Variants in TMEM132D observed in about 807,000 individuals in gnomAD.
TMEM132D encodes transmembrane protein 132D.
Under a neutral mutation model 62.3 loss-of-function variants are expected in TMEM132D, and 21 were observed. The observed-to-expected ratio is 0.34, with a 90% CI of 0.24 to 0.49. The LOEUF is 0.49. TMEM132D is among the 20% of genes least tolerant of loss of function. The pLI is 0.99. For synonymous variants in TMEM132D, 621 were observed against 575.6 expected (o/e 1.08, Z -1.13); for missense variants, 1,346 against 1,402.8 (o/e 0.96, Z 0.65).
In TMEM132D at chr12:129,092,303, CT is replaced by C. The variant is rs3045890; in HGVS notation, c.1444-7602del. Among the ~76,000 whole-genome samples the C allele has an allele frequency of 2.5e-3, 330 of 133,856 alleles. 1 individual carries two copies. Among genetic ancestry groups the C allele is most frequent in the East Asian group, 4.8e-3 (22 of 4,612 alleles). The allele number at this position is 133,856 out of a possible 152,430, so 87.8% of individuals were successfully genotyped here. ...TTATGTTCTAATATTTCTCTCTTTC[CT>C]TTTTTTTTTTTTTTTGTTCAAGAGC... On this transcript the variant is annotated intron_variant, in intron 5 of 8. Transcript: ENST00000422113.
chr12:129,187,514 G>A lies in TMEM132D; in HGVS notation c.1443+22006C>T, dbSNP rs1406145898. On this transcript the variant is annotated intron_variant, in intron 5 of 8. Coordinates refer to ENST00000422113, the MANE Select transcript of TMEM132D (RefSeq NM_133448.3). ...AAGTCTGAAATATTATTACTTAAGA[G>A]TTACTTAAAAACTACCACAGTTTAT... 2.0e-5 allele frequency among the ~76,000 whole-genome samples: 3 copies of A among 152,186 alleles called. No individual in the cohort carries two copies. In the East Asian group the frequency reaches 5.8e-4, roughly 29 times the overall value.
At position 129,149,360 on chromosome 12, in the gene TMEM132D, G is replaced by A. The variant is rs184792007; in HGVS notation, c.1443+60160C>T. ...GTACACTTACGTAAAAAACCTGCAC[G>A]TTCTGCACGTGTATCCCAGAACTTA... On this transcript the variant is annotated intron_variant, in intron 5 of 8. Coordinates refer to ENST00000422113, the MANE Select transcript of TMEM132D (RefSeq NM_133448.3). 5.3e-5 allele frequency among the ~76,000 whole-genome samples: 8 copies of A among 152,118 alleles called. No individual in the cohort carries two copies. In the East Asian group the frequency reaches 5.8e-4, roughly 11 times the overall value.
intron 1 of TMEM132D, among the ~76,000 whole-genome samples, chr12:129,819,729 G>C (rs1412276644): frequency 2.0e-5 from 3 of 152,142 alleles, no homozygotes; most frequent in Non-Finnish European, 4.4e-5. Flanking sequence ...TGCTGGTACT[G>C]CTGTTCGTGT....
chr12:129,893,360 G>A (rs1040286955), intron 1 of TMEM132D, among the ~76,000 whole-genome samples: 1 of 152,130 alleles, frequency 6.6e-6, no homozygotes, highest in Non-Finnish European at 1.5e-5. Context: ...ATAAAAATCA[G>A]GATTATGATT....
At chr12:129,582,169 G>A (rs571750503) in intron 2 of TMEM132D, among the ~76,000 whole-genome samples, 8 of 152,306 alleles carry the variant, frequency 5.3e-5, no homozygotes, top group East Asian at 1.9e-4. Flanking sequence ...CCACATGGCC[G>A]ATCCCATGTA....
At chr12:129,093,041 C>T (rs1229993335) in intron 5 of TMEM132D, among the ~76,000 whole-genome samples, 12 of 152,190 alleles carry the variant, frequency 7.9e-5, no homozygotes, top group Admixed American at 3.9e-4. Flanking sequence ...TTTAAATGGA[C>T]GCACTGGAGG....
intron 5 of TMEM132D, among the ~76,000 whole-genome samples, chr12:129,167,594 C>A (rs1201299142): frequency 6.6e-6 from 1 of 152,000 alleles, no homozygotes; most frequent in Non-Finnish European, 1.5e-5. Flanking sequence ...ATCAGGGGAC[C>A]TTTGTCTTCT....
chr12:129,683,201 T>A (rs1192048338), intron 2 of TMEM132D: 1 of 152,150 alleles, frequency 6.6e-6, no homozygotes, highest in East Asian at 1.9e-4. Flanking sequence ...TGAAGAAGAA[T>A]TTTCCAACAC....
intron 3 of TMEM132D, among the ~76,000 whole-genome samples, chr12:129,471,210 T>A (rs994137889): frequency 2.4e-4 from 2 of 8,412 alleles, no homozygotes; most frequent in Admixed American, 1.8e-3. Flanking sequence ...TAGATATTAC[T>A]TTTTTTTTTT....
intron 2 of TMEM132D, among the ~76,000 whole-genome samples, chr12:129,623,289 T>G (rs1337380640): frequency 1.3e-5 from 2 of 152,204 alleles, no homozygotes; most frequent in African/African-American, 4.8e-5. Context: ...TATTTTGTAT[T>G]TTATTTCAAT....
intron 1 of TMEM132D, among the ~76,000 whole-genome samples, chr12:129,756,733 G>A (rs1171644803): frequency 6.6e-5 from 10 of 152,254 alleles, no homozygotes; most frequent in South Asian, 2.1e-4. Context: ...AAAGAAAAGC[G>A]AACCAATTCT....
chr12:129,854,567 G>C (rs951688563), intron 1 of TMEM132D: 1 of 152,136 alleles, frequency 6.6e-6, no homozygotes, highest in African/African-American at 2.4e-5. Flanking sequence ...TGACCTTGTG[G>C]AACAAAAGCA....
intron 5 of TMEM132D, among the ~76,000 whole-genome samples, chr12:129,130,494 G>A (rs77351999): frequency 0.03 from 4,595 of 152,184 alleles, 258 homozygotes; most frequent in African/African-American, 0.11. Flanking sequence ...CACCGTCCGC[G>A]GTCTGCTGCC....
Position 129,827,785 on chromosome 12 carries a change from G to A in TMEM132D, c.79+75476C>T, listed in dbSNP as rs780546523. ...TGCATTCCGAGCTAACAGATGCAAAGTGCTTGGAATTATGTTTTTAATGTG... is the reference window on the plus strand; with the variant it reads ...TGCATTCCGAGCTAACAGATGCAAAATGCTTGGAATTATGTTTTTAATGTG... On this transcript the variant is annotated intron_variant, in intron 1 of 8. Transcript: ENST00000422113. This position sits in a 1 kb window ranked among gnomAD's most constrained non-coding sequence, Gnocchi z 9.7. Among the ~76,000 whole-genome samples, 4 of 152,128 alleles carry A rather than the reference G, an allele frequency of 2.6e-5. No individual in the cohort carries two copies. Among genetic ancestry groups the A allele is most frequent in the Non-Finnish European group, 4.4e-5 (3 of 68,028 alleles).
intron 3 of TMEM132D, among the ~76,000 whole-genome samples, chr12:129,446,566 T>A (rs1873103285): frequency 6.6e-6 from 1 of 152,206 alleles, no homozygotes; most frequent in Admixed American, 6.5e-5. Context: ...TTAATGTCCA[T>A]TTTGTCCCGT....
At chr12:129,327,120 C>A (rs1005050767) in intron 4 of TMEM132D, among the ~76,000 whole-genome samples, 1 of 152,094 alleles carries the variant, frequency 6.6e-6, no homozygotes, top group Non-Finnish European at 1.5e-5. Context: ...GCACGGCCAT[C>A]GACAAACTGT....
chr12:129,701,975 T>G (rs1380647737), intron 1 of TMEM132D, among the ~76,000 whole-genome samples: 1 of 152,208 alleles, frequency 6.6e-6, no homozygotes, highest in Non-Finnish European at 1.5e-5. Flanking sequence ...TGTGAGACGA[T>G]GAGCAGGTCA....
chr12:129,539,284 T>C (rs571700824), intron 2 of TMEM132D, among the ~76,000 whole-genome samples: 1 of 149,716 alleles, frequency 6.7e-6, no homozygotes, highest in South Asian at 2.1e-4. Flanking sequence ...CAGGCTGGAG[T>C]GCAGTGGCAC....
intron 1 of TMEM132D, among the ~76,000 whole-genome samples, chr12:129,873,251 T>C (rs1874314230): frequency 6.6e-6 from 1 of 152,140 alleles, no homozygotes; most frequent in African/African-American, 2.4e-5. Context: ...TGCTCTAAGA[T>C]CTGATAGAAG....
Sources: allele counts gnomAD v4.1 joint callset (sites outside exome capture counted in the v4.1 genomes callset), GRCh38; gene constraint gnomAD v4.1.1; non-coding constraint Gnocchi (gnomAD v3.1); transcripts MANE v1.5; gene names NCBI Gene and HGNC (gene_info 2026-07-23, HGNC 2026-07-21).